MARCHF1: variants seen among roughly 807,000 people sequenced by gnomAD.
MARCHF1 encodes membrane associated ring-CH-type finger 1.
MARCHF1 carries 40 observed loss-of-function variants against 54.2 expected under a neutral mutation model. The ratio of observed to expected loss-of-function variants is 0.74; its 90% CI spans 0.57 to 0.96. MARCHF1 has a LOEUF of 0.96. Ranked by LOEUF, MARCHF1 falls within the 40% of genes least tolerant of loss-of-function variation. The probability of loss-of-function intolerance (pLI) is 0.00; values close to 1 mark genes in which losing one functional copy is unlikely to be tolerated. For synonymous variants in MARCHF1, 236 were observed against 236.3 expected, an observed-to-expected ratio of 1.00 and a Z score of 0.01; for missense variants, 586 against 656.5, an observed-to-expected ratio of 0.89 and a Z score of 1.17.
At chr4:163,849,015 AT>A (rs1438589737) in intron 4 of MARCHF1, among the ~76,000 whole-genome samples, 1 of 152,174 alleles carries the variant, frequency 6.6e-6, no homozygotes, top group African/African-American at 2.4e-5. Flanking sequence ...GAAAGATCCT[AT>A]TTGTCTTTAT....
chr4:164,268,305 C>A (rs927441322), intron 1 of MARCHF1, among the ~76,000 whole-genome samples: 3 of 151,986 alleles, frequency 2.0e-5, no homozygotes, highest in Non-Finnish European at 4.4e-5. Flanking sequence ...CTGTGTCACC[C>A]GAAGTCTTCA....
intron 4 of MARCHF1, among the ~76,000 whole-genome samples, chr4:163,800,288 T>G (rs971286303): frequency 6.6e-5 from 10 of 151,922 alleles, no homozygotes; most frequent in African/African-American, 2.4e-4. Flanking sequence ...AAAAAGGAAA[T>G]GTAATAGTTT....
At chr4:163,575,602 G>T (rs1740010103) in intron 8 of MARCHF1, among the ~76,000 whole-genome samples, 1 of 151,770 alleles carries the variant, frequency 6.6e-6, no homozygotes, top group Non-Finnish European at 1.5e-5. Context: ...TCGATTTTTG[G>T]GGATATTTTC....
At position 163,613,625 on chromosome 4, in the gene MARCHF1, C is replaced by T. The variant is rs577234526; in HGVS notation, c.163-232G>A. On this transcript the variant is annotated intron_variant, in intron 5 of 9. Coordinates refer to ENST00000514618, the MANE Select transcript of MARCHF1 (RefSeq NM_001394959.1). ...CGCTATTTTGCTGTTACTTCATTTA[C>T]GAGAGAGGAAGATGATTCCACAAGT... 315 of 1,420,752 alleles carry T rather than the reference C, an allele frequency of 2.2e-4. 1 individual carries two copies. The highest frequency in any genetic ancestry group is 3.8e-4 in the African/African-American group (26 of 69,110). The allele number at this position is 1,420,752 out of a possible 1,614,324, so 88.0% of individuals were successfully genotyped here. A position where few individuals can be genotyped will look rare whatever the true frequency, so the allele number is the denominator to read the frequency against.
chr4:163,889,479 A>AG (rs372107024), intron 3 of MARCHF1, among the ~76,000 whole-genome samples: 1 of 151,060 alleles, frequency 6.6e-6, no homozygotes, highest in African/African-American at 2.4e-5. Flanking sequence ...GAGCAGGGAA[A>AG]ATTTCATATT....
At chr4:164,163,108 A>T (rs1730283622) in intron 1 of MARCHF1, among the ~76,000 whole-genome samples, 1 of 152,108 alleles carries the variant, frequency 6.6e-6, no homozygotes, top group Admixed American at 6.6e-5. Flanking sequence ...GAATTACTCA[A>T]TTAAAATAGT....
At chr4:163,675,789 C>A (rs1743891631) in intron 5 of MARCHF1, among the ~76,000 whole-genome samples, 1 of 152,116 alleles carries the variant, frequency 6.6e-6, no homozygotes, top group Non-Finnish European at 1.5e-5. Flanking sequence ...CTCCTTCTTG[C>A]CTTAGAATCT....
At chr4:163,748,406 CAAAA>C (rs11315071) in intron 4 of MARCHF1, among the ~76,000 whole-genome samples, 2 of 128,150 alleles carry the variant, frequency 1.6e-5, no homozygotes. Flanking sequence ...TAATTTCTAC[CAAAA>C]AAAAAAAAAA....
At chr4:164,219,003 G>C (rs1732016095) in intron 1 of MARCHF1, among the ~76,000 whole-genome samples, 1 of 152,102 alleles carries the variant, frequency 6.6e-6, no homozygotes, top group Admixed American at 6.6e-5. Flanking sequence ...ATTGATGTCT[G>C]TTACTACAAC....
chr4:164,253,117 A>G (rs1237155801), intron 1 of MARCHF1, among the ~76,000 whole-genome samples: 3 of 152,148 alleles, frequency 2.0e-5, no homozygotes, highest in Admixed American at 1.3e-4. Context: ...ATCCAAAAAC[A>G]TTCAAATAGA....
rs141334407 is a variant in MARCHF1, at chr4:164,159,690, T to C, written c.-322-48028A>G. ...TGTGCAGAAACGTTTTTAATATCAG[T>C]GTAAAGGAGCTATAAAGGAAATATT... is the stretch of plus-strand genomic sequence containing the variant. On this transcript the variant is annotated intron_variant, in intron 1 of 9. Coordinates refer to ENST00000514618, the MANE Select transcript of MARCHF1 (RefSeq NM_001394959.1). 3.0e-3 allele frequency among the ~76,000 whole-genome samples: 457 copies of C among 152,216 alleles called. 2 individuals are homozygous for C. The highest frequency in any genetic ancestry group is 0.011 in the African/African-American group (441 of 41,522).
chr4:163,579,408 T>G (rs1344960256), intron 8 of MARCHF1, among the ~76,000 whole-genome samples: 1 of 152,208 alleles, frequency 6.6e-6, no homozygotes, highest in Non-Finnish European at 1.5e-5. Flanking sequence ...TTAATAATTT[T>G]TTGTTATTTT....
intron 3 of MARCHF1, among the ~76,000 whole-genome samples, chr4:163,900,350 T>TA (rs200923875): frequency 9.7e-4 from 101 of 104,542 alleles, no homozygotes; most frequent in East Asian, 1.5e-3. Context: ...TTTTTTTTTT[T>TA]TAAAAAAACT....
chr4:163,733,258 T>TATATACACGTGTATATATATAC (rs1554008879), intron 4 of MARCHF1, among the ~76,000 whole-genome samples: 1 of 45,062 alleles, frequency 2.2e-5, no homozygotes, highest in African/African-American at 6.6e-5. Flanking sequence ...TATATATATA[T>TATATACACGTGTATATATATAC]ACACACACAC....
intron 5 of MARCHF1, among the ~76,000 whole-genome samples, chr4:163,653,411 C>T (rs962474368): frequency 1.3e-5 from 2 of 151,662 alleles, no homozygotes; most frequent in African/African-American, 4.8e-5. Flanking sequence ...ATGGTAGTGA[C>T]ATGATCGGAT....
chr4:164,199,679 C>CAGAGAGAG (rs1332146468), intron 1 of MARCHF1, among the ~76,000 whole-genome samples: 15 of 51,978 alleles, frequency 2.9e-4, no homozygotes, highest in Admixed American at 6.8e-4. Context: ...CACACACACA[C>CAGAGAGAG]ACAGAGAGAG....
intron 7 of MARCHF1, among the ~76,000 whole-genome samples, chr4:163,586,830 A>G (rs1740429782): frequency 6.6e-6 from 1 of 152,218 alleles, no homozygotes; most frequent in South Asian, 2.1e-4. Flanking sequence ...ATGTGGAAAA[A>G]TTCTCAAAAA....
At chr4:164,088,116 G>A (rs908744029) in intron 2 of MARCHF1, among the ~76,000 whole-genome samples, 3 of 152,196 alleles carry the variant, frequency 2.0e-5, no homozygotes, top group Admixed American at 2.0e-4. Flanking sequence ...ATTTGAAAAC[G>A]ACAATATAGT....
Position 164,197,678 on chromosome 4 carries a change from G to A in MARCHF1, c.-322-86016C>T, listed in dbSNP as rs1233255479. 9 of 1,612,454 alleles carry A rather than the reference G, an allele frequency of 5.6e-6. 1 individual carries two copies. The highest frequency in any genetic ancestry group is 1.1e-5 in the South Asian group (1 of 91,056). On this transcript the variant is annotated intron_variant, in intron 1 of 9. Coordinates refer to ENST00000514618, the MANE Select transcript of MARCHF1 (RefSeq NM_001394959.1). ...TTCACATCAGAGGGCGCCCTGTTCC[G>A]CAGCTCTGAATGAATCCGTCTGCCC...
Sources: allele counts gnomAD v4.1 joint callset (sites outside exome capture counted in the v4.1 genomes callset), GRCh38; gene constraint gnomAD v4.1.1; transcripts MANE v1.5; gene names NCBI Gene and HGNC (gene_info 2026-07-23, HGNC 2026-07-21).